CNTN4: variants seen among roughly 807,000 people sequenced by gnomAD.
CNTN4 encodes contactin-4.
In CNTN4, 77 loss-of-function variants were observed where a neutral mutation model predicts 122.5. That is an observed-to-expected ratio of 0.63 (90% CI 0.52 to 0.76). The LOEUF (loss-of-function observed/expected upper bound fraction) is 0.76. Ranked by LOEUF, CNTN4 falls within the 30% of genes least tolerant of loss-of-function variation. The probability of loss-of-function intolerance (pLI) is 0.00; values close to 1 mark genes in which losing one functional copy is unlikely to be tolerated. For missense variants in CNTN4, 1,256 were observed against 1,259.1 expected, an observed-to-expected ratio of 1.00 and a Z score of 0.04; for synonymous variants, 512 against 447.0, an observed-to-expected ratio of 1.15 and a Z score of -1.83.
At chr3:2,720,970 T>TTTTG (rs1197021630) in intron 4 of CNTN4, among the ~76,000 whole-genome samples, 7 of 152,068 alleles carry the variant, frequency 4.6e-5, no homozygotes, top group Non-Finnish European at 7.4e-5. Flanking sequence ...CATATTCTTT[T>TTTTG]TTTGTTTGTT....
chr3:3,053,310 T>C (rs552933166), intron 23 of CNTN4, among the ~76,000 whole-genome samples: 1 of 152,300 alleles, frequency 6.6e-6, no homozygotes, highest in South Asian at 2.1e-4. Context: ...GCTGACACTA[T>C]AGGCATGGGC....
chr3:2,246,225 T>C (rs1216375603), intron 2 of CNTN4, among the ~76,000 whole-genome samples: 2 of 151,982 alleles, frequency 1.3e-5, no homozygotes, highest in African/African-American at 4.8e-5. Context: ...CTACTTTCCC[T>C]CCCCAAAATG....
chr3:2,409,566 C>A (rs545994067), intron 3 of CNTN4, among the ~76,000 whole-genome samples: 15 of 152,076 alleles, frequency 9.9e-5, no homozygotes, highest in Non-Finnish European at 1.8e-4. Flanking sequence ...CTTTTCAATA[C>A]TGCTATAGTG....
chr3:2,603,955 C>G (rs974996457), intron 4 of CNTN4, among the ~76,000 whole-genome samples: 5 of 152,178 alleles, frequency 3.3e-5, no homozygotes, highest in African/African-American at 1.2e-4. Context: ...GGCCTCTGCC[C>G]ACGGGTCATT....
rs1407208635 is a variant in CNTN4 at position 2,883,251 on chromosome 3, A to C, written c.755+4A>C. ...TGGAATGCTTTGCTTTAGGAAAGTA[A>C]GTTCTGGTTTGCGTTCCTTCTCATC... is the stretch of plus-strand genomic sequence containing the variant. On this transcript the variant is annotated splice_donor_region_variant and intron_variant, in intron 9 of 24. Transcript: ENST00000418658. 4.5e-5 allele frequency: 72 copies of C among 1,610,564 alleles called. No homozygotes were observed. Among genetic ancestry groups the C allele is most frequent in the Non-Finnish European group, 6.1e-5 (72 of 1,177,388 alleles).
intron 3 of CNTN4, among the ~76,000 whole-genome samples, chr3:2,555,193 G>T (rs560182597): frequency 1.3e-5 from 2 of 152,050 alleles, no homozygotes; most frequent in Admixed American, 1.3e-4. Context: ...AGTCAACTTC[G>T]TGAGTCACTT....
At chr3:2,391,916 A>G (rs2046454644) in intron 3 of CNTN4, among the ~76,000 whole-genome samples, 1 of 152,020 alleles carries the variant, frequency 6.6e-6, no homozygotes, top group South Asian at 2.1e-4. Flanking sequence ...CTTCCAGTCT[A>G]CTCTTTAAAT....
At chr3:2,742,373 G>C (rs2089505298) in intron 5 of CNTN4, among the ~76,000 whole-genome samples, 1 of 152,162 alleles carries the variant, frequency 6.6e-6, no homozygotes, top group Admixed American at 6.5e-5. Flanking sequence ...AAGGACATAT[G>C]ACATTACTTA....
rs562967496 is a variant in CNTN4 at position 2,646,632 on chromosome 3, C to T, written c.55+75074C>T. ...TAGTAAGTGTAAGAGTGTTTTAGGA[C>T]TACCTTAACAAAGTACCACTGACTG... On this transcript the variant is annotated intron_variant, in intron 4 of 24. Transcript: ENST00000418658. Among the ~76,000 whole-genome samples the T allele has an allele frequency of 2.6e-5, 4 of 152,272 alleles. No individual in the cohort carries two copies. The East Asian group carries it at 7.7e-4, about 29-fold the overall frequency.
At chr3:2,748,773 T>C (rs546361592) in intron 6 of CNTN4, among the ~76,000 whole-genome samples, 1 of 152,340 alleles carries the variant, frequency 6.6e-6, no homozygotes, top group East Asian at 1.9e-4. Flanking sequence ...TCCTTAACCA[T>C]TTATCCTAAA....
At chr3:2,346,617 A>T (rs768055701) in intron 3 of CNTN4, among the ~76,000 whole-genome samples, 19 of 152,100 alleles carry the variant, frequency 1.2e-4, no homozygotes, top group Non-Finnish European at 2.1e-4. Flanking sequence ...TTCTTAGTTA[A>T]TGGTATTTTC....
intron 6 of CNTN4, among the ~76,000 whole-genome samples, chr3:2,774,951 C>T (rs1365748070): frequency 6.6e-6 from 1 of 152,220 alleles, no homozygotes; most frequent in Admixed American, 6.5e-5. Flanking sequence ...GAACAGTCCT[C>T]TTCTTTGGAA....
At chr3:2,759,425 C>T (rs928704266) in intron 6 of CNTN4, among the ~76,000 whole-genome samples, 7 of 152,070 alleles carry the variant, frequency 4.6e-5, no homozygotes, top group Admixed American at 2.0e-4. Context: ...GGGATTACAG[C>T]GTGAGCCACC....
At chr3:2,364,422 G>C (rs556620754) in intron 3 of CNTN4, among the ~76,000 whole-genome samples, 2 of 151,990 alleles carry the variant, frequency 1.3e-5, no homozygotes, top group African/African-American at 4.8e-5. Context: ...GACCCCTAAG[G>C]GTTGGCACAG....
At chr3:2,120,201 A>G (rs879187506) in intron 2 of CNTN4, among the ~76,000 whole-genome samples, 3 of 151,654 alleles carry the variant, frequency 2.0e-5, no homozygotes, top group Admixed American at 1.3e-4. Flanking sequence ...ATAGAATCAT[A>G]TAGGAGAAAT....
chr3:2,338,321 A>G (rs1284039407), intron 2 of CNTN4, among the ~76,000 whole-genome samples: 5 of 152,030 alleles, frequency 3.3e-5, no homozygotes, highest in African/African-American at 1.2e-4. Flanking sequence ...AGAAAAGATC[A>G]TGTTTTTATG....
intron 3 of CNTN4, among the ~76,000 whole-genome samples, chr3:2,482,830 G>T (rs1173282850): frequency 1.3e-5 from 2 of 152,196 alleles, no homozygotes; most frequent in Non-Finnish European, 2.9e-5. Flanking sequence ...ATTTCAGAGG[G>T]TATATGGAAA....
chr3:2,787,375 C>CA (rs1370275531), intron 6 of CNTN4, among the ~76,000 whole-genome samples: 2 of 151,666 alleles, frequency 1.3e-5, no homozygotes, highest in Middle Eastern at 3.4e-3. Flanking sequence ...GACTCCGCCT[C>CA]AAAAAAACAT....
chr3:2,690,272 G>A (rs1482605462), intron 4 of CNTN4, among the ~76,000 whole-genome samples: 3 of 152,084 alleles, frequency 2.0e-5, no homozygotes, highest in African/African-American at 4.8e-5. Context: ...CCCCTTTTGG[G>A]TACATGCATC....
Sources: allele counts gnomAD v4.1 joint callset (sites outside exome capture counted in the v4.1 genomes callset), GRCh38; gene constraint gnomAD v4.1.1; transcripts MANE v1.5; gene names NCBI Gene and HGNC (gene_info 2026-07-23, HGNC 2026-07-21).